KRIT1: variants seen among roughly 807,000 people sequenced by gnomAD.
The protein encoded by KRIT1 is KRIT1 ankyrin repeat containing, also known as krev interaction trapped protein 1.
Under a neutral mutation model 95.8 loss-of-function variants are expected in KRIT1, and 45 were observed. The ratio of observed to expected loss-of-function variants is 0.47; its 90% CI spans 0.37 to 0.60. The LOEUF (loss-of-function observed/expected upper bound fraction) is 0.60, where lower values mean the gene tolerates loss of function less well. Among genes scored for constraint, KRIT1 ranks in the 20% least tolerant of loss-of-function variants. The probability of loss-of-function intolerance (pLI) is 0.00; values close to 1 mark genes in which losing one functional copy is unlikely to be tolerated. For missense variants in KRIT1, 788 were observed against 877.5 expected (o/e 0.90, Z 1.29); for synonymous variants, 282 against 278.8 (o/e 1.01, Z -0.11).
chr7:92,221,201 C>T (rs951622638), intron 14 of KRIT1, among the ~76,000 whole-genome samples: 2 of 152,042 alleles, frequency 1.3e-5, no homozygotes, highest in Non-Finnish European at 2.9e-5. Context: ...TTTGGGAGGC[C>T]AAGGTGGGCA....
rs748244223 is a variant in KRIT1, at chr7:92,213,993, T to G, written c.1731-14A>C. On this transcript the variant is annotated splice_polypyrimidine_tract_variant and intron_variant, in intron 15 of 18. Transcript: ENST00000394505. ...AGATTTTCTTCACTGTAAGCACACATGCCAACATCCTTTAAATAAATCATC... is the reference window on the plus strand; with the variant it reads ...AGATTTTCTTCACTGTAAGCACACAGGCCAACATCCTTTAAATAAATCATC... 4 of 1,486,642 alleles carry G rather than the reference T, an allele frequency of 2.7e-6. No homozygotes were observed. In the Admixed American group the frequency reaches 6.7e-5, roughly 25 times the overall value. The allele number at this position is 1,486,642 out of a possible 1,614,324, so 92.1% of individuals were successfully genotyped here.
chr7:92,236,606 T>G lies in KRIT1; in HGVS notation c.356-64A>C, dbSNP rs189923061. ...AGGTTTACATCTGCATGTTTTCATC[T>G]AAAAATACATGTTAGAAAATGAAAA... On this transcript the variant is annotated intron_variant, in intron 6 of 18. Coordinates refer to ENST00000394505, the MANE Select transcript of KRIT1 (RefSeq NM_194454.3). 6.7e-5 allele frequency: 71 copies of G among 1,055,768 alleles called. 1 individual carries two copies. The African/African-American group carries it at 1.0e-3, about 15-fold the overall frequency. The allele number at this position is 1,055,768 out of a possible 1,614,324, so 65.4% of individuals were successfully genotyped here. A position where few individuals can be genotyped will look rare whatever the true frequency, so the allele number is the denominator to read the frequency against.
At chr7:92,235,802 AATTT>A (rs772489880) in intron 7 of KRIT1, 156 bp from the exon 8 acceptor site, 77 of 664,508 alleles carry the variant, frequency 1.2e-4, no homozygotes, top group Non-Finnish European at 1.8e-4. Context: ...TTATTTTTAA[AATTT>A]ATTTATATTG....
At position 92,237,628 on chromosome 7, in the gene KRIT1, A is replaced by G. The variant is rs1203633455; in HGVS notation, c.355+39T>C. The G allele has an allele frequency of 3.4e-6, 4 of 1,187,976 alleles. No homozygotes were observed. In the East Asian group the frequency reaches 7.0e-5, roughly 21 times the overall value. 73.6% of individuals were successfully genotyped at this position (1,187,976 alleles called of 1,614,324 possible). A position where few individuals can be genotyped will look rare whatever the true frequency, so the allele number is the denominator to read the frequency against. On this transcript the variant is annotated intron_variant, in intron 6 of 18. Transcript: ENST00000394505. ...CTCAATAGACCTTTACTTAGCATCTAAAGTATATAAAGATTTGTAAGATAC... is the reference window on the plus strand; with the variant it reads ...CTCAATAGACCTTTACTTAGCATCTGAAGTATATAAAGATTTGTAAGATAC...
At position 92,233,621 on chromosome 7, in the gene KRIT1, G is replaced by GA. The variant is rs563608622; in HGVS notation, c.989+827_989+828insT. ...GGGGTTTCACCATGTTAGCCAGGATGGTCTTGATCTCCTGACCTCGTGATC... is the reference window on the plus strand; with the variant it reads ...GGGGTTTCACCATGTTAGCCAGGATGAGTCTTGATCTCCTGACCTCGTGATC... On this transcript the variant is annotated intron_variant, in intron 10 of 18. Transcript: ENST00000394505. Among the ~76,000 whole-genome samples, 532 of 151,952 alleles carry GA rather than the reference G, an allele frequency of 3.5e-3. 4 individuals carry two copies. Among genetic ancestry groups the GA allele is most frequent in the African/African-American group, 0.012 (503 of 41,402 alleles).
intron 11 of KRIT1, 122 bp downstream of exon 11, chr7:92,226,404 A>G: frequency 1.3e-6 from 1 of 770,552 alleles, no homozygotes; most frequent in Non-Finnish European, 2.2e-6. Context: ...TTATTCTATA[A>G]AGTAATGGAA....
At chr7:92,235,928 C>T (rs1180745353) in intron 7 of KRIT1, 1 of 278,014 alleles carries the variant, frequency 3.6e-6, no homozygotes, top group Non-Finnish European at 6.8e-6. Flanking sequence ...ACAAATACTT[C>T]ATTTATTAAT....
Position 92,233,878 on chromosome 7 carries a change from T to C in KRIT1, c.989+571A>G, listed in dbSNP as rs148671295. On this transcript the variant is annotated intron_variant, in intron 10 of 18. Coordinates refer to ENST00000394505, the MANE Select transcript of KRIT1 (RefSeq NM_194454.3). ...TCAGCCCAACTGAGGGGAAAAATAA[T>C]TATGTGAGAGGAGACCAAGAGCTAC... 4.5e-4 allele frequency among the ~76,000 whole-genome samples: 68 copies of C among 151,916 alleles called. 1 individual carries two copies. Among genetic ancestry groups the C allele is most frequent in the Non-Finnish European group, 8.4e-4 (57 of 67,930 alleles).
chr7:92,237,620 T>G, intron 6 of KRIT1, 47 bp downstream of exon 6: 2 of 1,086,126 alleles, frequency 1.8e-6, no homozygotes, highest in Non-Finnish European at 2.8e-6. Context: ...GACCTTTACT[T>G]AGCATCTAAA....
intron 5 of KRIT1, among the ~76,000 whole-genome samples, chr7:92,239,707 C>CTTTTT (rs35969231): frequency 1.5e-5 from 2 of 132,612 alleles, no homozygotes; most frequent in Non-Finnish European, 3.2e-5. Flanking sequence ...TATGCAGGAA[C>CTTTTT]TTTTTTTTTT....
intron 14 of KRIT1, 62 bp from the exon 15 acceptor site, chr7:92,214,839 T>A: frequency 8.7e-7 from 1 of 1,143,812 alleles, no homozygotes; most frequent in Non-Finnish European, 1.3e-6. Flanking sequence ...ATGAACAACT[T>A]AATATGGGAA....
intron 17 of KRIT1, among the ~76,000 whole-genome samples, chr7:92,208,821 A>G (rs1199437557): frequency 3.9e-5 from 6 of 152,272 alleles, no homozygotes; most frequent in Middle Eastern, 3.4e-3. Context: ...AAAACTGAAG[A>G]GGATTCTTCC....
Position 92,215,957 on chromosome 7 carries a change from C to T in KRIT1, c.1564-1180G>A, listed in dbSNP as rs925684713. ...TAAAAATGATTTTTGCGGCCAGGCACGGTGGCTCACGCCTGTAATCCTAGC... is the reference window on the plus strand; with the variant it reads ...TAAAAATGATTTTTGCGGCCAGGCATGGTGGCTCACGCCTGTAATCCTAGC... On this transcript the variant is annotated intron_variant, in intron 14 of 18. Coordinates refer to ENST00000394505, the MANE Select transcript of KRIT1 (RefSeq NM_194454.3). Among the ~76,000 whole-genome samples the T allele has an allele frequency of 3.3e-5, 5 of 151,978 alleles. 1 individual carries two copies. Among genetic ancestry groups the T allele is most frequent in the South Asian group, 4.1e-4 (2 of 4,826 alleles).
intron 10 of KRIT1, among the ~76,000 whole-genome samples, chr7:92,228,472 TC>T (rs997327378): frequency 6.6e-6 from 1 of 152,172 alleles, no homozygotes; most frequent in Admixed American, 6.5e-5. Context: ...TTTCCTTTCT[TC>T]CCCTTCACAA....
chr7:92,222,106 A>AATACAAAGTTTCT, intron 13 of KRIT1, 53 bp from the exon 14 acceptor site: 1 of 1,349,288 alleles, frequency 7.4e-7, no homozygotes, highest in Non-Finnish European at 1.1e-6. Flanking sequence ...CAATTATATC[A>AATACAAAGTTTCT]ATGCATAGAA....
chr7:92,202,723 T>C (rs1211836536), intron 17 of KRIT1, among the ~76,000 whole-genome samples: 2 of 152,156 alleles, frequency 1.3e-5, no homozygotes, highest in Non-Finnish European at 2.9e-5. Flanking sequence ...AGACTCCGTC[T>C]AAATAAATAA....
downstream of KRIT1, chr7:92,199,073 C>A (rs1789703938): frequency 6.6e-6 from 1 of 152,046 alleles, no homozygotes; most frequent in Non-Finnish European, 1.5e-5. Flanking sequence ...TTAGATGGAC[C>A]TAGAACAAGT....
At chr7:92,212,567 A>G (rs901963836) in intron 17 of KRIT1, among the ~76,000 whole-genome samples, 1 of 152,208 alleles carries the variant, frequency 6.6e-6, no homozygotes, top group African/African-American at 2.4e-5. Flanking sequence ...TCTTTCTGCC[A>G]TATGAGGCTA....
At chr7:92,237,117 A>G (rs1798596808) in intron 6 of KRIT1, among the ~76,000 whole-genome samples, 1 of 152,166 alleles carries the variant, frequency 6.6e-6, no homozygotes, top group African/African-American at 2.4e-5. Context: ...TAAAGATTAA[A>G]GAGGAGATTT....
Sources: gnomAD v4.1 joint callset for allele counts (sites outside exome capture counted in the v4.1 genomes callset) on GRCh38, gnomAD v4.1.1 for gene constraint, MANE v1.5 for transcripts, NCBI Gene and HGNC (gene_info 2026-07-23, HGNC 2026-07-21) for gene names.